CAMKK1: variants seen among roughly 807,000 people sequenced by gnomAD.
CAMKK1 encodes calcium/calmodulin dependent protein kinase kinase 1, also known as calcium/calmodulin-dependent protein kinase kinase 1.
Under a neutral mutation model 63.5 loss-of-function variants are expected in CAMKK1, and 20 were observed. That is an observed-to-expected ratio of 0.32 (90% CI 0.22 to 0.46). The LOEUF is 0.46. Among genes scored for constraint, CAMKK1 ranks in the 20% least tolerant of loss-of-function variants. CAMKK1 has a pLI of 1.00. For missense variants in CAMKK1, 588 were observed against 658.1 expected (o/e 0.89, Z 1.17); for synonymous variants, 253 against 269.0 (o/e 0.94, Z 0.58).
chr17:3,880,275 C>T, intron 9 of CAMKK1, 71 bp downstream of exon 9: 1 of 1,328,292 alleles, frequency 7.5e-7, no homozygotes, highest in Non-Finnish European at 1.1e-6. Context: ...TCAGAGTCTG[C>T]TCAGCCTGGG....
chr17:3,869,439 T>TCCCCCAGGC, intron 14 of CAMKK1, 48 bp downstream of exon 14: 6 of 1,610,658 alleles, frequency 3.7e-6, no homozygotes, highest in Non-Finnish European at 5.1e-6. Context: ...AAGGCTCAGG[T>TCCCCCAGGC]CCCCCAGGCC....
intron 10 of CAMKK1, among the ~76,000 whole-genome samples, chr17:3,873,903 CA>C (rs1205670669): frequency 2.6e-5 from 4 of 152,190 alleles, no homozygotes; most frequent in Non-Finnish European, 5.9e-5. Flanking sequence ...CCCCTGCCCA[CA>C]CAGAGGCCCT....
At position 3,882,192 on chromosome 17, in the gene CAMKK1, G is replaced by A; in HGVS notation, c.685+336C>T. On this transcript the variant is annotated intron_variant, in intron 7 of 15. Coordinates refer to ENST00000348335, the MANE Select transcript of CAMKK1 (RefSeq NM_032294.3). This position sits in a 1 kb window ranked among gnomAD's most constrained non-coding sequence, Gnocchi z 4.3. ...CACCACTAGTATCCCTGTTTTATAG[G>A]TGGGAAAACTGAGGCACAGAGCTAC... The A allele has an allele frequency of 8.7e-7, 1 of 1,151,908 alleles. No homozygotes were observed. Among genetic ancestry groups the A allele is most frequent in the South Asian group, 1.4e-5 (1 of 70,830 alleles). 71.4% of individuals were successfully genotyped at this position (1,151,908 alleles called of 1,614,324 possible).
rs1471140202 is a variant in CAMKK1, at chr17:3,883,590, C to A, written c.463-110G>T. 1.5e-5 allele frequency: 14 copies of A among 942,412 alleles called. No homozygotes were observed. Among genetic ancestry groups the A allele is most frequent in the Non-Finnish European group, 2.4e-5 (14 of 571,688 alleles). The allele number at this position is 942,412 out of a possible 1,614,324, so 58.4% of individuals were successfully genotyped here. Reference sequence around the variant, plus strand: ...AGGCACACTGGACATCTGCTACTGGCCCTGAGGGTGTGGCCCAGGTAAGTG... The same window carrying A: ...AGGCACACTGGACATCTGCTACTGGACCTGAGGGTGTGGCCCAGGTAAGTG... On this transcript the variant is annotated intron_variant, in intron 4 of 15. Coordinates refer to ENST00000348335, the MANE Select transcript of CAMKK1 (RefSeq NM_032294.3). The surrounding 1 kb of genome is among the most constrained non-coding windows in gnomAD (Gnocchi z 4.7).
rs996998274 is a variant in CAMKK1 at position 3,873,926 on chromosome 17, C to T, written c.997-464G>A. Among the ~76,000 whole-genome samples, 10 of 152,292 alleles carry T rather than the reference C, an allele frequency of 6.6e-5. No individual in the cohort carries two copies. The East Asian group carries it at 1.7e-3, about 26-fold the overall frequency. On this transcript the variant is annotated intron_variant, in intron 10 of 15. Transcript: ENST00000348335. ...CACACAGAGGCCCTGTCCTCTCACGCCCTCATCCACCGCCACTGCAACAAC... is the reference window on the plus strand; with the variant it reads ...CACACAGAGGCCCTGTCCTCTCACGTCCTCATCCACCGCCACTGCAACAAC...
Position 3,892,771 on chromosome 17 carries a change from C to A in CAMKK1, c.-44+168G>T, listed in dbSNP as rs1460396840. 6.6e-6 allele frequency among the ~76,000 whole-genome samples: 1 copy of A among 152,094 alleles called. No individual in the cohort carries two copies. Among genetic ancestry groups the A allele is most frequent in the African/African-American group, 2.4e-5 (1 of 41,406 alleles). ...AGACTCCGCGAGGCACCCCGCAGAC[C>A]CGGCCCCGCAGACAGAAGGGGAAGG... On this transcript the variant is annotated intron_variant, in intron 1 of 15. Transcript: ENST00000348335. The surrounding 1 kb of genome is among the most constrained non-coding windows in gnomAD (Gnocchi z 7.5).
intron 12 of CAMKK1, among the ~76,000 whole-genome samples, chr17:3,871,579 A>C (rs1427929852): frequency 6.8e-6 from 1 of 147,380 alleles, no homozygotes; most frequent in Non-Finnish European, 1.5e-5. Flanking sequence ...GATGGTCTCG[A>C]TCTCCTGACC....
intron 9 of CAMKK1, 48 bp from the exon 10 acceptor site, chr17:3,876,470 GC>G: frequency 6.6e-7 from 1 of 1,522,458 alleles, no homozygotes; most frequent in Non-Finnish European, 9.1e-7. Context: ...GGCACCGCTG[GC>G]CAGGACCCCA....
rs2055317354 is a variant in CAMKK1, at chr17:3,879,628, C to CG, written c.796+717dup. The CG allele has an allele frequency of 6.6e-6, 1 of 152,446 alleles. No homozygotes were observed. The highest frequency in any genetic ancestry group is 6.5e-5 in the Admixed American group (1 of 15,288). 9.4% of individuals were successfully genotyped at this position (152,446 alleles called of 1,614,324 possible). ...GAGTACACGCCTATGCCAGGCACAT[C>CG]GTCTTCCACGCCCATCCCTCAAAAC... On this transcript the variant is annotated intron_variant, in intron 9 of 15. Transcript: ENST00000348335. This position sits in a 1 kb window ranked among gnomAD's most constrained non-coding sequence, Gnocchi z 4.5.
chr17:3,892,190 CAA>C lies in CAMKK1; in HGVS notation c.-44+747_-44+748del, dbSNP rs2055926952. 6.6e-6 allele frequency among the ~76,000 whole-genome samples: 1 copy of C among 152,118 alleles called. No individual in the cohort carries two copies. The highest frequency in any genetic ancestry group is 2.4e-5 in the African/African-American group (1 of 41,422). On this transcript the variant is annotated intron_variant, in intron 1 of 15. Coordinates refer to ENST00000348335, the MANE Select transcript of CAMKK1 (RefSeq NM_032294.3). The surrounding 1 kb of genome is among the most constrained non-coding windows in gnomAD (Gnocchi z 7.5). ...CCTTCTCTGCACAGCCCTGCAACGC[CAA>C]GACTTGAGCACACCCCCTCCCCTGA...
At chr17:3,875,105 G>A (rs1295898173) in intron 10 of CAMKK1, among the ~76,000 whole-genome samples, 1 of 152,072 alleles carries the variant, frequency 6.6e-6, no homozygotes, top group African/African-American at 2.4e-5. Context: ...CTGGGCGACA[G>A]AGCGAGACTC....
intron 15 of CAMKK1, 51 bp downstream of exon 15, chr17:3,865,857 C>A (rs1443224565): frequency 1.2e-6 from 2 of 1,610,064 alleles, no homozygotes; most frequent in Non-Finnish European, 1.7e-6. Context: ...CTCAGACCTC[C>A]CCACCCAACT....
At chr17:3,873,564 T>C in intron 10 of CAMKK1, 102 bp from the exon 11 acceptor site, 1 of 1,114,856 alleles carries the variant, frequency 9.0e-7, no homozygotes, top group Non-Finnish European at 1.4e-6. Context: ...ACCTCTTTCC[T>C]CTGTCATGCA....
In CAMKK1 at chr17:3,884,298, C is replaced by T. The variant is rs1231017391; in HGVS notation, c.408+82G>A. 2.0e-6 allele frequency: 3 copies of T among 1,481,028 alleles called. No homozygotes were observed. The highest frequency in any genetic ancestry group is 1.4e-5 in the African/African-American group (1 of 72,184). 91.7% of individuals were successfully genotyped at this position (1,481,028 alleles called of 1,614,324 possible). On this transcript the variant is annotated intron_variant, in intron 3 of 15. Transcript: ENST00000348335. The surrounding 1 kb of genome is among the most constrained non-coding windows in gnomAD (Gnocchi z 4.5). ...CTAGGACTTGCCTGGCTCTGCCTCCCGTTCCCTCCCACACGAGAGAAGGAG... is the reference window on the plus strand; with the variant it reads ...CTAGGACTTGCCTGGCTCTGCCTCCTGTTCCCTCCCACACGAGAGAAGGAG...
chr17:3,885,220 A>G, intron 2 of CAMKK1, 108 bp downstream of exon 2: 1 of 1,268,904 alleles, frequency 7.9e-7, no homozygotes. Context: ...CTCTGAGGGT[A>G]TGCAAACCAA....
intron 14 of CAMKK1, among the ~76,000 whole-genome samples, chr17:3,868,006 CGGGCTCTGG>C (rs2054613605): frequency 1.3e-5 from 1 of 76,432 alleles, no homozygotes; most frequent in African/African-American, 7.4e-5. Context: ...AACTGATACG[CGGGCTCTGG>C]GGGAGAAGCA....
chr17:3,873,465 G>A lies in CAMKK1; in HGVS notation c.997-3C>T, dbSNP rs1866474123. 6.2e-7 allele frequency: 1 copy of A among 1,613,960 alleles called. No individual in the cohort carries two copies. The highest frequency in any genetic ancestry group is 1.7e-5 in the Admixed American group (1 of 60,006). ...CCAGTGGCCCATACATCCAAGGCCT[G>A]GAAAGAAACATGCTCACATCAGTCC... On this transcript the variant is annotated splice_region_variant and splice_polypyrimidine_tract_variant and intron_variant, in intron 10 of 15. Transcript: ENST00000348335.
chr17:3,871,641 C>A (rs1458352466), intron 12 of CAMKK1, among the ~76,000 whole-genome samples: 2 of 148,652 alleles, frequency 1.3e-5, no homozygotes, highest in Admixed American at 6.7e-5. Context: ...CAGGTGTGAG[C>A]CGCCGCACCC....
At position 3,874,789 on chromosome 17, in the gene CAMKK1, A is replaced by G. The variant is rs147950749; in HGVS notation, c.997-1327T>C. Among the ~76,000 whole-genome samples, 679 of 151,670 alleles carry G rather than the reference A, an allele frequency of 4.5e-3. 7 individuals carry two copies. Among genetic ancestry groups the G allele is most frequent in the African/African-American group, 0.015 (636 of 41,452 alleles). On this transcript the variant is annotated intron_variant, in intron 10 of 15. Coordinates refer to ENST00000348335, the MANE Select transcript of CAMKK1 (RefSeq NM_032294.3). ...CTCCCAAAGGGCTGGAATTACAGGC[A>G]TGAGCCACCATGCCTGACCGATATA...
Sources: allele counts gnomAD v4.1 joint callset (sites outside exome capture counted in the v4.1 genomes callset), GRCh38; gene constraint gnomAD v4.1.1; non-coding constraint Gnocchi (gnomAD v3.1); transcripts MANE v1.5; gene names NCBI Gene and HGNC (gene_info 2026-07-23, HGNC 2026-07-21).